The following ZRANB3 variants were observed in gnomAD, a reference collection of about 807,000 sequenced individuals.
The protein encoded by ZRANB3 is zinc finger RANBP2-type containing 3, also known as DNA annealing helicase and endonuclease ZRANB3.
A neutral mutation model predicts 133.8 loss-of-function variants in ZRANB3; 125 were observed. That is an observed-to-expected ratio of 0.93 (90% confidence interval 0.81 to 1.08). The LOEUF (loss-of-function observed/expected upper bound fraction) is 1.08, where lower values mean the gene tolerates loss of function less well. ZRANB3 is among the 50% of genes least tolerant of loss of function. ZRANB3 has a pLI of 0.00. For synonymous variants in ZRANB3, 387 were observed against 432.7 expected (o/e 0.89, Z 1.31); for missense variants, 1,229 against 1,275.5 (o/e 0.96, Z 0.56).
At chr2:135,307,615 G>A (rs907453036) in intron 8 of ZRANB3, among the ~76,000 whole-genome samples, 1 of 152,084 alleles carries the variant, frequency 6.6e-6, no homozygotes, top group Admixed American at 6.6e-5. Context: ...GTTGCTTTAT[G>A]TCTTGGCAAT....
chr2:135,511,654 A>G (rs912391049), intron 1 of ZRANB3: 1 of 771,082 alleles, frequency 1.3e-6, no homozygotes, highest in African/African-American at 1.7e-5. Context: ...GTTAGACAGA[A>G]GCCCCAACAC....
intron 2 of ZRANB3, among the ~76,000 whole-genome samples, chr2:135,497,577 T>C (rs1274795986): frequency 6.6e-6 from 1 of 152,218 alleles, no homozygotes; most frequent in Non-Finnish European, 1.5e-5. Context: ...AATTAAACAG[T>C]ACACATAAAG....
intron 2 of ZRANB3, among the ~76,000 whole-genome samples, chr2:135,395,547 T>G (rs2104931959): frequency 6.6e-6 from 1 of 151,308 alleles, no homozygotes; most frequent in Non-Finnish European, 1.5e-5. Flanking sequence ...AACCTCTGCC[T>G]CCCACGTTCA....
At chr2:135,503,209 A>T (rs1693024488) in intron 2 of ZRANB3, among the ~76,000 whole-genome samples, 1 of 152,236 alleles carries the variant, frequency 6.6e-6, no homozygotes, top group African/African-American at 2.4e-5. Flanking sequence ...AATTCTGGTT[A>T]ATCATACATA....
chr2:135,407,740 T>C (rs1688108287), intron 2 of ZRANB3, among the ~76,000 whole-genome samples: 1 of 151,300 alleles, frequency 6.6e-6, no homozygotes, highest in Admixed American at 6.6e-5. Context: ...CCCTATTTAA[T>C]AAATGGTGCT....
At chr2:135,526,852 T>C (rs926707771) in intron 1 of ZRANB3, among the ~76,000 whole-genome samples, 2 of 152,158 alleles carry the variant, frequency 1.3e-5, no homozygotes, top group Non-Finnish European at 2.9e-5. Flanking sequence ...CTCTGTACAA[T>C]AAAACTTGGT....
At chr2:135,498,407 C>T (rs1435990070) in intron 2 of ZRANB3, among the ~76,000 whole-genome samples, 2 of 152,208 alleles carry the variant, frequency 1.3e-5, no homozygotes, top group African/African-American at 2.4e-5. Flanking sequence ...TTCATGGACA[C>T]TTATCACTTC....
At chr2:135,200,588 C>T (rs943195570) in intron 20 of ZRANB3, 148 bp from the exon 21 acceptor site, 2 of 650,552 alleles carry the variant, frequency 3.1e-6, no homozygotes, top group Non-Finnish European at 5.3e-6. Context: ...TACCAAACCA[C>T]AAGGCAGAGT....
rs113106397 is a variant in ZRANB3, at chr2:135,243,379, C to T, written c.1540-12452G>A. Among the ~76,000 whole-genome samples the T allele has an allele frequency of 3.0e-3, 454 of 152,196 alleles. 3 individuals are homozygous for T. Among genetic ancestry groups the T allele is most frequent in the African/African-American group, 0.01 (422 of 41,540 alleles). ...AAATACAAAAATTAGCCGTGCGTAG[C>T]GTTGGCGCCTGTAATCCCAGCTACT... On this transcript the variant is annotated intron_variant, in intron 12 of 20. Coordinates refer to ENST00000264159, the MANE Select transcript of ZRANB3 (RefSeq NM_032143.4).
At position 135,526,301 on chromosome 2, in the gene ZRANB3, T is replaced by C. The variant is rs538903721; in HGVS notation, c.-8+4826A>G. Among the ~76,000 whole-genome samples, 919 of 151,852 alleles carry C rather than the reference T, an allele frequency of 6.1e-3. 4 individuals carry two copies. Among genetic ancestry groups the C allele is most frequent in the Middle Eastern group, 0.031 (9 of 294 alleles). The stretch of plus-strand genomic sequence containing the variant: ...GCCTCAGCCTCCCGAGTAGCTGGGA[T>C]TACAGGTGCCCGCCACCACACTCAG... On this transcript the variant is annotated intron_variant, in intron 1 of 20. Transcript: ENST00000264159.
chr2:135,495,300 T>C (rs1234431645), intron 2 of ZRANB3, among the ~76,000 whole-genome samples: 1 of 152,212 alleles, frequency 6.6e-6, no homozygotes, highest in Non-Finnish European at 1.5e-5. Flanking sequence ...GCTGTGTCTA[T>C]ATAAGAGAAT....
rs140759731 is a variant in ZRANB3 at position 135,471,721 on chromosome 2, T to C, written c.161+32608A>G. 2.6e-3 allele frequency among the ~76,000 whole-genome samples: 402 copies of C among 152,342 alleles called. 1 individual carries two copies. The highest frequency in any genetic ancestry group is 8.8e-3 in the African/African-American group (365 of 41,588). ...TGCAGAATTGATTCAGTTTTCTCGA[T>C]AGTACATCAAACATTCCATTTCTGA... On this transcript the variant is annotated intron_variant, in intron 2 of 20. Coordinates refer to ENST00000264159, the MANE Select transcript of ZRANB3 (RefSeq NM_032143.4).
At chr2:135,515,248 C>A (rs931910096) in intron 1 of ZRANB3, among the ~76,000 whole-genome samples, 1 of 152,040 alleles carries the variant, frequency 6.6e-6, no homozygotes, top group Non-Finnish European at 1.5e-5. Flanking sequence ...ACAAATTCGG[C>A]CGTGAATCTG....
intron 3 of ZRANB3, among the ~76,000 whole-genome samples, chr2:135,384,453 CA>C (rs1449980622): frequency 6.6e-6 from 1 of 152,102 alleles, no homozygotes; most frequent in Non-Finnish European, 1.5e-5. Context: ...GAAACTATTC[CA>C]ATCAATAGAA....
At chr2:135,399,824 T>C (rs534227556) in intron 2 of ZRANB3, among the ~76,000 whole-genome samples, 1 of 152,294 alleles carries the variant, frequency 6.6e-6, no homozygotes, top group East Asian at 1.9e-4. Context: ...GAGACTACCA[T>C]TTCTGTAACT....
At chr2:135,293,551 T>C (rs1573850484) in intron 8 of ZRANB3, among the ~76,000 whole-genome samples, 2 of 152,050 alleles carry the variant, frequency 1.3e-5, no homozygotes, top group East Asian at 3.9e-4. Flanking sequence ...ACAGGGACAA[T>C]TTGACTTCCT....
At chr2:135,286,575 G>T (rs929255653) in intron 8 of ZRANB3, among the ~76,000 whole-genome samples, 1 of 152,058 alleles carries the variant, frequency 6.6e-6, no homozygotes, top group Non-Finnish European at 1.5e-5. Context: ...CACTGCACTC[G>T]GCCTTATTTT....
rs1686363141 is a variant in ZRANB3, at chr2:135,375,147, T to TA, written c.180+15654dup. Among the ~76,000 whole-genome samples, 6 of 152,144 alleles carry TA rather than the reference T, an allele frequency of 3.9e-5. No homozygotes were observed. In the South Asian group the frequency reaches 1.2e-3, roughly 32 times the overall value. ...CAAAAGACACTTCGACAGTTTCTGTTAAAAAAATATGGTCTTGGCCGGGTG... is the reference window on the plus strand; with the variant it reads ...CAAAAGACACTTCGACAGTTTCTGTTAAAAAAAATATGGTCTTGGCCGGGTG... On this transcript the variant is annotated intron_variant, in intron 3 of 20. Coordinates refer to ENST00000264159, the MANE Select transcript of ZRANB3 (RefSeq NM_032143.4).
intron 1 of ZRANB3, among the ~76,000 whole-genome samples, chr2:135,514,121 C>T (rs1439040249): frequency 6.6e-6 from 1 of 152,042 alleles, no homozygotes; most frequent in African/African-American, 2.4e-5. Flanking sequence ...TTTGGCTATA[C>T]GGGCTCTTTT....
Sources: gnomAD v4.1 joint callset for allele counts (sites outside exome capture counted in the v4.1 genomes callset) on GRCh38, gnomAD v4.1.1 for gene constraint, MANE v1.5 for transcripts, NCBI Gene and HGNC (gene_info 2026-07-23, HGNC 2026-07-21) for gene names.